Variants in PRKCH observed in about 807,000 individuals in gnomAD.
The protein encoded by PRKCH is protein kinase C eta type.
Under a neutral mutation model 82.5 loss-of-function variants are expected in PRKCH, and 28 were observed. That is an observed-to-expected ratio of 0.34 (90% CI 0.25 to 0.47). PRKCH has a LOEUF of 0.47. Ranked by LOEUF, PRKCH falls within the 20% of genes least tolerant of loss-of-function variation. PRKCH has a pLI of 1.00. For synonymous variants in PRKCH, 322 were observed against 327.4 expected (o/e 0.98, Z 0.18); for missense variants, 705 against 881.8 (o/e 0.80, Z 2.54).
At chr14:61,481,657 T>C (rs981721621) in intron 9 of PRKCH, among the ~76,000 whole-genome samples, 3 of 152,196 alleles carry the variant, frequency 2.0e-5, no homozygotes, top group Non-Finnish European at 4.4e-5. Flanking sequence ...CTTTGAAAGA[T>C]ACTGAAAGGT....
chr14:61,488,082 G>A (rs2140334007), intron 10 of PRKCH, among the ~76,000 whole-genome samples: 1 of 152,214 alleles, frequency 6.6e-6, no homozygotes, highest in East Asian at 1.9e-4. Flanking sequence ...GAACCGCAGG[G>A]GGCGGAGCCT....
At chr14:61,510,950 C>G (rs1887351525) in intron 10 of PRKCH, among the ~76,000 whole-genome samples, 1 of 152,092 alleles carries the variant, frequency 6.6e-6, no homozygotes, top group African/African-American at 2.4e-5. Flanking sequence ...GAGCCAAGAA[C>G]AGAACCTTAG....
intron 1 of PRKCH, among the ~76,000 whole-genome samples, chr14:61,331,764 A>G (rs2045792360): frequency 6.6e-6 from 1 of 152,238 alleles, no homozygotes; most frequent in African/African-American, 2.4e-5. Flanking sequence ...AGGCAATCAC[A>G]TAATTTCTTC....
intron 10 of PRKCH, among the ~76,000 whole-genome samples, chr14:61,511,511 G>A (rs771745286): frequency 1.3e-5 from 2 of 152,334 alleles, no homozygotes; most frequent in African/African-American, 2.4e-5. Context: ...GCCTGGCAGG[G>A]TGAAGAACGC....
At chr14:61,475,460 G>C (rs1885689123) in intron 9 of PRKCH, among the ~76,000 whole-genome samples, 1 of 152,326 alleles carries the variant, frequency 6.6e-6, no homozygotes, top group South Asian at 2.1e-4. Context: ...ATGTCTAAAT[G>C]ATTGACCAAT....
chr14:61,228,364 A>G (rs375507408), intron 1 of PRKCH, among the ~76,000 whole-genome samples: 5 of 152,220 alleles, frequency 3.3e-5, no homozygotes, highest in African/African-American at 9.6e-5. Context: ...CTCTGTTTAT[A>G]GGAGCTTTTT....
intron 2 of PRKCH, among the ~76,000 whole-genome samples, chr14:61,419,958 G>A (rs1269490800): frequency 5.3e-5 from 8 of 152,244 alleles, no homozygotes; most frequent in African/African-American, 1.9e-4. Flanking sequence ...TTGAAGGCCT[G>A]TGACTGACAG....
chr14:61,392,554 A>T (rs2140204041), intron 2 of PRKCH, among the ~76,000 whole-genome samples: 1 of 152,218 alleles, frequency 6.6e-6, no homozygotes, highest in South Asian at 2.1e-4. Context: ...GATAATTTCC[A>T]GTTCCAGTCT....
At chr14:61,257,487 T>C (rs984477868) in intron 1 of PRKCH, among the ~76,000 whole-genome samples, 1 of 152,108 alleles carries the variant, frequency 6.6e-6, no homozygotes, top group African/African-American at 2.4e-5. Flanking sequence ...TGAAGCAGCA[T>C]ACATAGAAAA....
At chr14:61,272,711 C>A (rs1014318709) in intron 1 of PRKCH, among the ~76,000 whole-genome samples, 3 of 152,164 alleles carry the variant, frequency 2.0e-5, no homozygotes, top group Non-Finnish European at 4.4e-5. Context: ...GGTCTGTACC[C>A]TTGCTTCTGA....
At chr14:61,289,316 C>T (rs1594893474) in intron 1 of PRKCH, among the ~76,000 whole-genome samples, 1 of 152,324 alleles carries the variant, frequency 6.6e-6, no homozygotes, top group Non-Finnish European at 1.5e-5. Context: ...TTGAGGTGAA[C>T]ATAGTAGCCA....
At chr14:61,238,877 G>C (rs181050468) in intron 1 of PRKCH, among the ~76,000 whole-genome samples, 1 of 152,064 alleles carries the variant, frequency 6.6e-6, no homozygotes, top group East Asian at 1.9e-4. Context: ...AAAACAGTAC[G>C]GTTATATGGG....
At chr14:61,420,583 A>G (rs17256219) in intron 2 of PRKCH, among the ~76,000 whole-genome samples, 10,550 of 152,274 alleles carry the variant, frequency 0.069, 454 homozygotes, top group Non-Finnish European at 0.096. Flanking sequence ...GCCTGTGCCT[A>G]GCTAAAGGAC....
At chr14:61,445,802 G>A (rs1050035808) in intron 4 of PRKCH, 76 bp downstream of exon 4, 38 of 1,412,178 alleles carry the variant, frequency 2.7e-5, no homozygotes, top group Non-Finnish European at 3.7e-5. Flanking sequence ...GAGAAAACAG[G>A]GTATCTTCCC....
At chr14:61,467,908 A>G (rs925119251) in intron 9 of PRKCH, among the ~76,000 whole-genome samples, 1 of 152,230 alleles carries the variant, frequency 6.6e-6, no homozygotes, top group Non-Finnish European at 1.5e-5. Context: ...CTCATTTTAA[A>G]GGCCTAGAAA....
Position 61,530,567 on chromosome 14 carries a change from A to G in PRKCH, c.1733A>G (p.His578Arg), listed in dbSNP as rs750697026. Residue 578 changes from histidine (H) to arginine (R), a missense_variant, in exon 12 of 14, where the codon CAT becomes CGT. Around this residue, in one of 5 missense-constraint regions of PRKCH, gnomAD observed 115 missense variants for 193.8 expected, o/e 0.59. Coordinates refer to ENST00000332981, the MANE Select transcript of PRKCH (RefSeq NM_006255.5). ...GAGGTGGTCTACCCTACCTGGCTCC[A>G]TGAAGATGCCACAGGGATCCTAAAA... Reference protein sequence around the residue: ...NDEVVYPTWLHEDATGILKSF... With the variant: ...NDEVVYPTWLREDATGILKSF... 3.1e-6 allele frequency: 5 copies of G among 1,604,878 alleles called. No individual in the cohort carries two copies. The highest frequency in any genetic ancestry group is 1.7e-4 in the Middle Eastern group (1 of 6,054).
intron 12 of PRKCH, among the ~76,000 whole-genome samples, chr14:61,537,162 A>G (rs1382410841): frequency 6.6e-6 from 1 of 152,154 alleles, no homozygotes; most frequent in African/African-American, 2.4e-5. Flanking sequence ...TGTCTTTCTC[A>G]TCTTTGCTTC....
In PRKCH at chr14:61,247,753, A is replaced by AG. The variant is rs542295793; in HGVS notation, c.-19+60085_-19+60086insG. Among the ~76,000 whole-genome samples, 492 of 150,496 alleles carry AG rather than the reference A, an allele frequency of 3.3e-3. 5 individuals carry two copies. Among genetic ancestry groups the AG allele is most frequent in the African/African-American group, 0.011 (460 of 41,098 alleles). ...TCCATCTCAAAAAAAAAAAAAAAAA[A>AG]AAAAAGAAAGAAAGAAAGGAATTGA... On this transcript the variant is annotated intron_variant, in intron 1 of 3. Transcript: ENST00000555185.
intron 1 of PRKCH, among the ~76,000 whole-genome samples, chr14:61,310,488 A>T (rs921496003): frequency 6.6e-6 from 1 of 152,232 alleles, no homozygotes; most frequent in African/African-American, 2.4e-5. Flanking sequence ...CATGTCTCAC[A>T]GCCAGGGCAC....
Sources: allele counts gnomAD v4.1 joint callset (sites outside exome capture counted in the v4.1 genomes callset), GRCh38; gene constraint gnomAD v4.1.1; regional missense constraint gnomAD v4.1.1; transcripts MANE v1.5; gene names NCBI Gene and HGNC (gene_info 2026-07-23, HGNC 2026-07-21).